The following LRRC7 variants were observed in gnomAD, a reference collection of about 807,000 sequenced individuals.
The protein encoded by LRRC7 is leucine rich repeat containing 7.
Under a neutral mutation model 175.7 loss-of-function variants are expected in LRRC7, and 23 were observed. The ratio of observed to expected loss-of-function variants is 0.13; its 90% CI spans 0.09 to 0.19. LRRC7 has a LOEUF of 0.19. Ranked by LOEUF, LRRC7 falls within the 10% of genes least tolerant of loss-of-function variation. The pLI is 1.00. For synonymous variants in LRRC7, 685 were observed against 680.9 expected (o/e 1.01, Z -0.09); for missense variants, 1,354 against 1,904.7 (o/e 0.71, Z 5.38).
chr1:69,817,982 C>T (rs1389842845), intron 4 of LRRC7, among the ~76,000 whole-genome samples: 1 of 152,054 alleles, frequency 6.6e-6, no homozygotes, highest in Admixed American at 6.6e-5. Context: ...TTGTGCTCTA[C>T]TAAATTTGCT....
At chr1:69,621,045 T>A (rs1389367600) in intron 1 of LRRC7, among the ~76,000 whole-genome samples, 3 of 151,722 alleles carry the variant, frequency 2.0e-5, no homozygotes, top group Non-Finnish European at 3.0e-5. Context: ...TCTTTTTTTT[T>A]TCTTTTTTTT....
chr1:69,997,952 A>G (rs1655161721), intron 11 of LRRC7, among the ~76,000 whole-genome samples: 8 of 152,128 alleles, frequency 5.3e-5, no homozygotes, highest in Admixed American at 5.2e-4. Flanking sequence ...TTTTCTATTG[A>G]TTGGAATAGT....
chr1:69,967,000 T>C lies in LRRC7; in HGVS notation c.712-13379T>C, dbSNP rs574618376. On this transcript the variant is annotated intron_variant, in intron 8 of 26. Transcript: ENST00000651989. ...GAATCTGGTGTGCAGACTCCACAAGTTGGGGAAGAAAGAAAGCCCTACTTT... is the reference window on the plus strand; with the variant it reads ...GAATCTGGTGTGCAGACTCCACAAGCTGGGGAAGAAAGAAAGCCCTACTTT... Among the ~76,000 whole-genome samples the C allele has an allele frequency of 2.6e-5, 4 of 152,082 alleles. No individual in the cohort carries two copies. The South Asian group carries it at 6.2e-4, about 24-fold the overall frequency.
At chr1:70,064,958 T>C (rs1661860259) in intron 23 of LRRC7, among the ~76,000 whole-genome samples, 1 of 151,976 alleles carries the variant, frequency 6.6e-6, no homozygotes, top group Non-Finnish European at 1.5e-5. Flanking sequence ...TAGTTCATTT[T>C]GTTAATTTTG....
At chr1:69,718,297 T>A (rs1227042886) in intron 2 of LRRC7, among the ~76,000 whole-genome samples, 1 of 151,444 alleles carries the variant, frequency 6.6e-6, no homozygotes, top group Non-Finnish European at 1.5e-5. Context: ...AGGAATGTGG[T>A]AGAGGTAGAG....
chr1:69,650,826 G>A (rs1655728714), intron 1 of LRRC7, among the ~76,000 whole-genome samples: 1 of 152,048 alleles, frequency 6.6e-6, no homozygotes, highest in South Asian at 2.1e-4. Flanking sequence ...GCAGAATTTG[G>A]GAGCATATTG....
chr1:69,724,941 A>G (rs1303856380), intron 2 of LRRC7, among the ~76,000 whole-genome samples: 1 of 152,150 alleles, frequency 6.6e-6, no homozygotes, highest in Non-Finnish European at 1.5e-5. Context: ...TATTACAAAT[A>G]CAGTTACCCT....
intron 2 of LRRC7, among the ~76,000 whole-genome samples, chr1:69,697,617 C>G (rs1662775170): frequency 6.6e-6 from 1 of 152,158 alleles, no homozygotes; most frequent in Admixed American, 6.5e-5. Context: ...TAAAATTGTC[C>G]CATCTGCCCC....
chr1:69,687,640 G>C (rs934274103), intron 2 of LRRC7, among the ~76,000 whole-genome samples: 7 of 144,940 alleles, frequency 4.8e-5, no homozygotes, highest in Middle Eastern at 3.6e-3. Flanking sequence ...TCAGTATTAT[G>C]TACACTAAAA....
intron 2 of LRRC7, among the ~76,000 whole-genome samples, chr1:69,691,797 C>CAAAAAAAAA (rs57676937): frequency 5.8e-4 from 49 of 85,168 alleles, no homozygotes; most frequent in African/African-American, 1.1e-3. Flanking sequence ...GACCCTGTCT[C>CAAAAAAAAA]AAAAAAAAAA....
At chr1:70,030,246 A>C (rs1658568183) in intron 18 of LRRC7, among the ~76,000 whole-genome samples, 1 of 152,180 alleles carries the variant, frequency 6.6e-6, no homozygotes, top group South Asian at 2.1e-4. Context: ...CACTACAGTG[A>C]CTTCTTATTG....
chr1:69,935,003 G>A (rs1557906587), intron 8 of LRRC7, among the ~76,000 whole-genome samples: 1 of 152,154 alleles, frequency 6.6e-6, no homozygotes, highest in Non-Finnish European at 1.5e-5. Flanking sequence ...TTTTTTGTAA[G>A]CCAGAAAGAA....
chr1:70,028,088 C>A, intron 17 of LRRC7, 83 bp from the exon 18 acceptor site: 1 of 1,166,426 alleles, frequency 8.6e-7, no homozygotes, highest in Non-Finnish European at 1.3e-6. Context: ...TTTGATTATA[C>A]TACTGAATAT....
intron 25 of LRRC7, among the ~76,000 whole-genome samples, chr1:70,098,320 A>G (rs939072328): frequency 2.2e-4 from 34 of 152,052 alleles, no homozygotes; most frequent in African/African-American, 7.3e-4. Flanking sequence ...CATTCAAAGC[A>G]GTGTGTAGAG....
At chr1:69,594,670 A>T (rs1646768373) in intron 1 of LRRC7, among the ~76,000 whole-genome samples, 1 of 152,194 alleles carries the variant, frequency 6.6e-6, no homozygotes, top group Non-Finnish European at 1.5e-5. Context: ...TTATTAGTAT[A>T]CTAGTCCAGA....
intron 1 of LRRC7, among the ~76,000 whole-genome samples, chr1:69,586,048 T>G (rs1410894240): frequency 6.6e-6 from 1 of 152,206 alleles, no homozygotes; most frequent in African/African-American, 2.4e-5. Flanking sequence ...GAATTAAATC[T>G]ACTGTTGTTA....
At chr1:69,989,085 G>A (rs1169183202) in intron 10 of LRRC7, among the ~76,000 whole-genome samples, 1 of 152,076 alleles carries the variant, frequency 6.6e-6, no homozygotes, top group Non-Finnish European at 1.5e-5. Flanking sequence ...CAAATAATTA[G>A]GGCCAGTGAA....
intron 8 of LRRC7, among the ~76,000 whole-genome samples, chr1:69,976,819 C>T (rs1026034231): frequency 1.4e-4 from 21 of 152,178 alleles, no homozygotes; most frequent in Non-Finnish European, 1.9e-4. Flanking sequence ...TCTAGTTCCC[C>T]TCACATTCCC....
At chr1:69,915,237 G>C (rs1006107601) in intron 7 of LRRC7, among the ~76,000 whole-genome samples, 3 of 152,152 alleles carry the variant, frequency 2.0e-5, no homozygotes, top group Admixed American at 2.0e-4. Flanking sequence ...AATGCAAGGA[G>C]AGCCTGAAGT....
Sources: gnomAD v4.1 joint callset for allele counts (sites outside exome capture counted in the v4.1 genomes callset) on GRCh38, gnomAD v4.1.1 for gene constraint, MANE v1.5 for transcripts, NCBI Gene and HGNC (gene_info 2026-07-23, HGNC 2026-07-21) for gene names.